SCAPER: variants seen among roughly 807,000 people sequenced by gnomAD.
The protein encoded by SCAPER is S phase cyclin A-associated protein in the endoplasmic reticulum.
SCAPER carries 98 observed loss-of-function variants against 182.2 expected under a neutral mutation model. The ratio of observed to expected loss-of-function variants is 0.54; its 90% confidence interval spans 0.46 to 0.64. SCAPER has a LOEUF of 0.64. Ranked by LOEUF, SCAPER falls within the 30% of genes least tolerant of loss-of-function variation. SCAPER has a pLI of 0.00. For missense variants in SCAPER, 1,432 were observed against 1,690.0 expected (o/e 0.85, Z 2.68); for synonymous variants, 605 against 564.6 (o/e 1.07, Z -1.01).
rs906110426 is a variant in SCAPER at position 76,864,733 on chromosome 15, C to T, written c.7-2200G>A. ...ATTTTAGGCTTTGCAGGCCATAAGA[C>T]CTCTGTAACAACTACTCAATTTTGC... On this transcript the variant is annotated intron_variant, in intron 2 of 31. Coordinates refer to ENST00000563290, the MANE Select transcript of SCAPER (RefSeq NM_020843.4). Among the ~76,000 whole-genome samples the T allele has an allele frequency of 9.9e-5, 15 of 151,818 alleles. 1 individual carries two copies. Among genetic ancestry groups the T allele is most frequent in the African/African-American group, 3.6e-4 (15 of 41,310 alleles).
intron 20 of SCAPER, among the ~76,000 whole-genome samples, chr15:76,680,555 G>A (rs2057642873): frequency 6.6e-6 from 1 of 152,086 alleles, no homozygotes; most frequent in Non-Finnish European, 1.5e-5. Context: ...TAATGTTGGA[G>A]GTGGGGCATA....
intron 21 of SCAPER, among the ~76,000 whole-genome samples, chr15:76,654,174 G>A (rs576876957): frequency 2.0e-5 from 3 of 152,190 alleles, no homozygotes; most frequent in Admixed American, 6.5e-5. Flanking sequence ...AGGCCAAGGC[G>A]GGCTGATCAC....
intron 8 of SCAPER, among the ~76,000 whole-genome samples, chr15:76,792,856 T>C (rs190770250): frequency 8.1e-4 from 123 of 152,358 alleles, no homozygotes; most frequent in African/African-American, 2.9e-3. Flanking sequence ...CAAACAATTA[T>C]GTGGAAATAA....
At chr15:76,356,182 T>C (rs1456453050) in intron 29 of SCAPER, among the ~76,000 whole-genome samples, 1 of 152,168 alleles carries the variant, frequency 6.6e-6, no homozygotes, top group Non-Finnish European at 1.5e-5. Context: ...CCCACAGCAC[T>C]AACACTCAGT....
At chr15:76,424,275 G>T (rs1316647932) in intron 26 of SCAPER, among the ~76,000 whole-genome samples, 2 of 152,134 alleles carry the variant, frequency 1.3e-5, no homozygotes, top group African/African-American at 4.8e-5. Context: ...AGGTCTCTAA[G>T]GACTTGCTTT....
chr15:76,389,679 G>A (rs561220655), intron 27 of SCAPER, among the ~76,000 whole-genome samples: 135 of 151,392 alleles, frequency 8.9e-4, no homozygotes, highest in Non-Finnish European at 1.3e-3. Flanking sequence ...TTAGCTGGGC[G>A]TGGTGGCGGG....
intron 29 of SCAPER, among the ~76,000 whole-genome samples, chr15:76,367,454 G>T (rs763718764): frequency 6.6e-6 from 1 of 152,192 alleles, no homozygotes; most frequent in Non-Finnish European, 1.5e-5. Context: ...TTTGATAAAA[G>T]ATTCCTTCTG....
intron 22 of SCAPER, among the ~76,000 whole-genome samples, chr15:76,590,252 G>T (rs1288126200): frequency 1.3e-5 from 2 of 152,186 alleles, no homozygotes; most frequent in African/African-American, 4.8e-5. Context: ...AGTTGGAAAT[G>T]GAGGCTTGGA....
intron 23 of SCAPER, among the ~76,000 whole-genome samples, chr15:76,553,430 T>C (rs1400246325): frequency 6.6e-6 from 1 of 152,160 alleles, no homozygotes; most frequent in Non-Finnish European, 1.5e-5. Flanking sequence ...AATGTATGTA[T>C]GGATGTTTCT....
chr15:76,878,433 G>A (rs2073325535), intron 2 of SCAPER, among the ~76,000 whole-genome samples: 1 of 151,848 alleles, frequency 6.6e-6, no homozygotes, highest in Non-Finnish European at 1.5e-5. Context: ...CAGGTAGAAA[G>A]AAATAATTAG....
At chr15:76,384,945 T>C (rs2043200404) in intron 27 of SCAPER, among the ~76,000 whole-genome samples, 1 of 152,234 alleles carries the variant, frequency 6.6e-6, no homozygotes, top group Non-Finnish European at 1.5e-5. Flanking sequence ...TAATGAAGTT[T>C]TCTTCAAAAA....
chr15:76,527,034 G>C (rs182801648), intron 23 of SCAPER, among the ~76,000 whole-genome samples: 1 of 151,796 alleles, frequency 6.6e-6, no homozygotes, highest in Middle Eastern at 3.4e-3. Context: ...ACCATGACTG[G>C]CTAATTTTTT....
intron 1 of SCAPER, among the ~76,000 whole-genome samples, chr15:76,902,101 G>A (rs2074820030): frequency 3.3e-5 from 5 of 152,162 alleles, no homozygotes; most frequent in Admixed American, 3.3e-4. Flanking sequence ...TAGCCAATCA[G>A]TGAAAGCCAA....
intron 5 of SCAPER, 32 bp from the exon 6 acceptor site, chr15:76,804,665 T>C: frequency 6.9e-7 from 1 of 1,439,188 alleles, no homozygotes; most frequent in Non-Finnish European, 9.5e-7. Flanking sequence ...AAAATTAAAT[T>C]CCAGTCTGAG....
At chr15:76,590,207 T>C (rs1238930987) in intron 22 of SCAPER, among the ~76,000 whole-genome samples, 1 of 152,198 alleles carries the variant, frequency 6.6e-6, no homozygotes, top group Admixed American at 6.5e-5. Flanking sequence ...GCCTCCTATC[T>C]GCCATTTTCG....
At chr15:76,611,233 C>T (rs1386053941) in intron 22 of SCAPER, among the ~76,000 whole-genome samples, 1 of 151,624 alleles carries the variant, frequency 6.6e-6, no homozygotes, top group African/African-American at 2.4e-5. Flanking sequence ...AAATCGAACA[C>T]CAGTCTCAAA....
At chr15:76,457,301 G>T (rs1008593136) in intron 25 of SCAPER, among the ~76,000 whole-genome samples, 1 of 152,166 alleles carries the variant, frequency 6.6e-6, no homozygotes, top group Admixed American at 6.5e-5. Context: ...CTGACCTTGT[G>T]ATCCGTCGGC....
intron 25 of SCAPER, among the ~76,000 whole-genome samples, chr15:76,465,785 T>C (rs2049561782): frequency 6.6e-6 from 1 of 152,120 alleles, no homozygotes; most frequent in South Asian, 2.1e-4. Flanking sequence ...TTCTTTTGCA[T>C]GTGGATATCC....
At chr15:76,830,059 T>C (rs2068324188) in intron 5 of SCAPER, among the ~76,000 whole-genome samples, 1 of 152,070 alleles carries the variant, frequency 6.6e-6, no homozygotes, top group Non-Finnish European at 1.5e-5. Flanking sequence ...AAATTATGAA[T>C]AGGAGTTAAG....
Sources: allele counts gnomAD v4.1 joint callset (sites outside exome capture counted in the v4.1 genomes callset), GRCh38; gene constraint gnomAD v4.1.1; transcripts MANE v1.5; gene names NCBI Gene and HGNC (gene_info 2026-07-23, HGNC 2026-07-21).